Variants in ATP9A observed in about 807,000 individuals in gnomAD.
The protein encoded by ATP9A is probable phospholipid-transporting ATPase IIA.
Under a neutral mutation model 144.1 loss-of-function variants are expected in ATP9A, and 52 were observed. The ratio of observed to expected loss-of-function variants is 0.36; its 90% CI spans 0.29 to 0.45. ATP9A has a LOEUF of 0.45. Ranked by LOEUF, ATP9A falls within the 20% of genes least tolerant of loss-of-function variation. The pLI, the probability that ATP9A is intolerant of heterozygous loss-of-function variation, is 1.00. For synonymous variants in ATP9A, 582 were observed against 557.4 expected, an observed-to-expected ratio of 1.04 and a Z score of -0.62; for missense variants, 947 against 1,392.7, an observed-to-expected ratio of 0.68 and a Z score of 5.09.
intron 9 of ATP9A, among the ~76,000 whole-genome samples, chr20:51,683,529 G>A (rs1334871021): frequency 1.3e-5 from 2 of 152,028 alleles, no homozygotes; most frequent in East Asian, 1.9e-4. Context: ...TGATCCACCC[G>A]CCTCAGCCTC....
chr20:51,650,435 G>A (rs1037575009), intron 14 of ATP9A, among the ~76,000 whole-genome samples: 2 of 151,724 alleles, frequency 1.3e-5, no homozygotes, highest in African/African-American at 2.4e-5. Context: ...TCGGGAGGCC[G>A]AGGCAGGAGA....
chr20:51,643,170 CATA>C (rs1747874358), intron 14 of ATP9A, among the ~76,000 whole-genome samples: 1 of 152,150 alleles, frequency 6.6e-6, no homozygotes, highest in Admixed American at 6.5e-5. Flanking sequence ...AAGTTCAAGT[CATA>C]ATGAGTCAGC....
chr20:51,626,840 T>A (rs2077250982), intron 17 of ATP9A, among the ~76,000 whole-genome samples: 1 of 152,092 alleles, frequency 6.6e-6, no homozygotes. Context: ...GTGGATCACC[T>A]GAGGTCAGGA....
intron 7 of ATP9A, among the ~76,000 whole-genome samples, chr20:51,693,001 A>G (rs2077554799): frequency 1.3e-5 from 2 of 152,158 alleles, no homozygotes; most frequent in Non-Finnish European, 2.9e-5. Context: ...TGACGTGAGC[A>G]CAGGGGAAGC....
chr20:51,737,501 TATATAC>T (rs1568842509), intron 1 of ATP9A, among the ~76,000 whole-genome samples: 3 of 152,168 alleles, frequency 2.0e-5, no homozygotes, highest in Non-Finnish European at 4.4e-5. Flanking sequence ...GGGCCCAATA[TATATAC>T]ATTCAGCCTT....
chr20:51,603,530 T>C (rs1166582443), intron 27 of ATP9A, among the ~76,000 whole-genome samples: 2 of 152,104 alleles, frequency 1.3e-5, no homozygotes, highest in Non-Finnish European at 2.9e-5. Context: ...TGGGGTCATC[T>C]TGGTGGCCCT....
At chr20:51,635,302 C>T (rs1172658926) in intron 15 of ATP9A, among the ~76,000 whole-genome samples, 1 of 149,930 alleles carries the variant, frequency 6.7e-6, no homozygotes, top group African/African-American at 2.5e-5. Flanking sequence ...GCCAACAACA[C>T]TGACGTCTGT....
chr20:51,622,496 T>C (rs775204627), intron 18 of ATP9A, among the ~76,000 whole-genome samples: 3 of 152,150 alleles, frequency 2.0e-5, no homozygotes, highest in African/African-American at 4.8e-5. Flanking sequence ...GTGATAAATA[T>C]CCTAAAAGAA....
chr20:51,729,107 T>C (rs1764461244), intron 2 of ATP9A, among the ~76,000 whole-genome samples: 1 of 152,200 alleles, frequency 6.6e-6, no homozygotes, highest in African/African-American at 2.4e-5. Context: ...ATCTTTATTT[T>C]TTCTCCTCTA....
At chr20:51,640,484 C>A (rs1447999229) in intron 14 of ATP9A, among the ~76,000 whole-genome samples, 1 of 152,202 alleles carries the variant, frequency 6.6e-6, no homozygotes, top group Non-Finnish European at 1.5e-5. Context: ...CACGGGTCCA[C>A]ACAGAAGAGG....
At chr20:51,743,396 A>ATTTTTTT (rs769952209) in intron 1 of ATP9A, among the ~76,000 whole-genome samples, 17,318 of 89,452 alleles carry the variant, frequency 0.19, 3,611 homozygotes, top group South Asian at 0.33. Context: ...ACCGAAACTG[A>ATTTTTTT]TTTTTTTTTT....
At chr20:51,612,236 G>T (rs1291893685) in intron 23 of ATP9A, among the ~76,000 whole-genome samples, 2 of 152,164 alleles carry the variant, frequency 1.3e-5, no homozygotes, top group Non-Finnish European at 2.9e-5. Flanking sequence ...TAATGGTATG[G>T]CCAGAAGGAG....
chr20:51,699,333 C>CAAAAAAAAA (rs74175569), intron 4 of ATP9A, among the ~76,000 whole-genome samples: 5 of 70,438 alleles, frequency 7.1e-5, no homozygotes, highest in East Asian at 6.5e-4. Context: ...AACTCAATCT[C>CAAAAAAAAA]AAAAAAAAAA....
At chr20:51,616,572 GC>G (rs931105774) in intron 22 of ATP9A, among the ~76,000 whole-genome samples, 17 of 152,176 alleles carry the variant, frequency 1.1e-4, no homozygotes, top group Non-Finnish European at 2.9e-5. Context: ...TCCCGCCTCA[GC>G]CTCCCAAACT....
intron 4 of ATP9A, among the ~76,000 whole-genome samples, chr20:51,703,529 C>T (rs769704021): frequency 4.6e-5 from 7 of 152,160 alleles, no homozygotes; most frequent in Non-Finnish European, 7.4e-5. Flanking sequence ...GAGTTTGTAA[C>T]GGGGAACAAA....
chr20:51,661,111 T>C (rs1601088887), intron 13 of ATP9A, among the ~76,000 whole-genome samples: 1 of 152,276 alleles, frequency 6.6e-6, no homozygotes, highest in South Asian at 2.1e-4. Flanking sequence ...CCCTGAGTCA[T>C]TTATAGCATC....
intron 4 of ATP9A, among the ~76,000 whole-genome samples, chr20:51,704,107 C>A (rs2077605314): frequency 6.9e-6 from 1 of 145,640 alleles, no homozygotes; most frequent in Non-Finnish European, 1.5e-5. Flanking sequence ...TATTTGAAAA[C>A]AGGCAAAGAG....
chr20:51,699,762 C>T (rs1396104762), intron 4 of ATP9A, among the ~76,000 whole-genome samples: 1 of 152,048 alleles, frequency 6.6e-6, no homozygotes, highest in Non-Finnish European at 1.5e-5. Context: ...TCTGCCTCAG[C>T]CTCCCGAGTA....
At chr20:51,749,021 A>G (rs2077820422) in intron 1 of ATP9A, among the ~76,000 whole-genome samples, 1 of 152,152 alleles carries the variant, frequency 6.6e-6, no homozygotes, top group African/African-American at 2.4e-5. Flanking sequence ...TAGACTGGCT[A>G]AACAAACTAC....
Sources: allele counts gnomAD v4.1 joint callset (sites outside exome capture counted in the v4.1 genomes callset), GRCh38; gene constraint gnomAD v4.1.1; transcripts MANE v1.5; gene names NCBI Gene and HGNC (gene_info 2026-07-23, HGNC 2026-07-21).